The following NVL variants were observed in gnomAD, a reference collection of about 807,000 sequenced individuals.
NVL encodes the protein nuclear VCP like.
A neutral mutation model predicts 110.2 loss-of-function variants in NVL; 84 were observed. The ratio of observed to expected loss-of-function variants is 0.76; its 90% CI spans 0.64 to 0.91. NVL has a LOEUF of 0.91. NVL is among the 40% of genes least tolerant of loss of function. The pLI, the probability that NVL is intolerant of heterozygous loss-of-function variation, is 0.00. For missense variants in NVL, 882 were observed against 1,035.9 expected, an observed-to-expected ratio of 0.85 and a Z score of 2.04; for synonymous variants, 354 against 361.1, an observed-to-expected ratio of 0.98 and a Z score of 0.22.
chr1:224,273,047 A>AAC (rs1558287117), intron 17 of NVL, among the ~76,000 whole-genome samples: 1 of 143,548 alleles, frequency 7.0e-6, no homozygotes, highest in African/African-American at 2.8e-5. Context: ...AAAAAACAAA[A>AAC]AAAACAAACA....
intron 10 of NVL, among the ~76,000 whole-genome samples, chr1:224,300,246 G>A (rs1668269316): frequency 6.6e-6 from 1 of 152,132 alleles, no homozygotes; most frequent in African/African-American, 2.4e-5. Flanking sequence ...AACTTAAGTT[G>A]AGGAAAGTAA....
In NVL at chr1:224,275,375, T is replaced by C. The variant is rs1277900098; in HGVS notation, c.2046A>G (p.Glu682=). Residue 682 remains glutamate, a synonymous_variant, in exon 17 of 23, where the codon GAA becomes GAG. Transcript: ENST00000281701. ...ATCTTCGAGGACATAAAGCATCCAC[T>C]TCATCAAAGAATATCACACAGGGTG... ...NSAPCVIFFD[E]VDALCPRRSD... is the part of the protein sequence containing the mutation. The C allele has an allele frequency of 6.2e-7, 1 of 1,614,056 alleles. No homozygotes were observed. The highest frequency in any genetic ancestry group is 8.5e-7 in the Non-Finnish European group (1 of 1,180,040).
chr1:224,303,446 A>C (rs962394506), intron 9 of NVL, among the ~76,000 whole-genome samples: 25 of 152,194 alleles, frequency 1.6e-4, no homozygotes, highest in African/African-American at 4.1e-4. Flanking sequence ...AAAAAAAAAA[A>C]AACTGTATTA....
chr1:224,266,238 T>C (rs1664490748), intron 18 of NVL, among the ~76,000 whole-genome samples: 1 of 152,090 alleles, frequency 6.6e-6, no homozygotes, highest in Non-Finnish European at 1.5e-5. Context: ...GGATCCCCCC[T>C]CTCTCTGCTT....
intron 2 of NVL, among the ~76,000 whole-genome samples, chr1:224,319,829 T>C (rs968922001): frequency 2.4e-4 from 36 of 152,164 alleles, no homozygotes; most frequent in African/African-American, 8.7e-4. Context: ...TTACAGTGGA[T>C]CGATCAAAAC....
intron 2 of NVL, among the ~76,000 whole-genome samples, chr1:224,319,762 A>T (rs568648051): frequency 2.0e-5 from 3 of 152,114 alleles, no homozygotes; most frequent in Admixed American, 2.0e-4. Context: ...TGAGTACAGG[A>T]TATTTGTATA....
Position 224,308,130 on chromosome 1 carries a change from G to C in NVL, c.476C>G (p.Ser159Cys), listed in dbSNP as rs1304487044. 1 of 1,613,948 alleles carries C rather than the reference G, an allele frequency of 6.2e-7. No homozygotes were observed. Among genetic ancestry groups the C allele is most frequent in the Non-Finnish European group, 8.5e-7 (1 of 1,180,000 alleles). The change falls in exon 6 of 23, where the codon TCC (serine) becomes TGC (cysteine). Residue 159 changes from serine (S) to cysteine (C), a missense_variant. This residue lies in a region of NVL where 274 missense variants were observed against 268.4 expected (regional missense o/e 1.02). Transcript: ENST00000281701. ...STPRISSKTGSIPLKTPAKDS... is the reference protein window; with the variant it reads ...STPRISSKTGCIPLKTPAKDS... ...TTTGGCAGGGGTCTTCAAGGGAATGGAGCCTGTTTTGGAACTTATCCGTGG... is the reference window on the plus strand; with the variant it reads ...TTTGGCAGGGGTCTTCAAGGGAATGCAGCCTGTTTTGGAACTTATCCGTGG...
intron 14 of NVL, 135 bp from the exon 15 acceptor site, chr1:224,286,265 G>A (rs1204121627): frequency 1.5e-6 from 1 of 645,860 alleles, no homozygotes; most frequent in Non-Finnish European, 2.6e-6. Context: ...GAGTGCAGTG[G>A]TGCTATCTTG....
At chr1:224,303,623 G>A (rs1668628854) in intron 9 of NVL, 100 bp downstream of exon 9, 16 of 1,251,610 alleles carry the variant, frequency 1.3e-5, no homozygotes, top group Non-Finnish European at 1.8e-5. Context: ...TTCTCTTCCT[G>A]AAGAATGCCA....
At chr1:224,248,637 C>G (rs1307065868) in intron 19 of NVL, among the ~76,000 whole-genome samples, 2 of 152,128 alleles carry the variant, frequency 1.3e-5, no homozygotes, top group Non-Finnish European at 2.9e-5. Flanking sequence ...AGGGGTAAAC[C>G]TTCATGCTGC....
chr1:224,304,897 G>C, intron 7 of NVL, 85 bp from the exon 8 acceptor site: 2 of 1,486,010 alleles, frequency 1.3e-6, no homozygotes, highest in Non-Finnish European at 1.9e-6. Flanking sequence ...AGTAAACAAA[G>C]GTCCATTAAA....
rs1666593725 is a variant in NVL at position 224,283,681 on chromosome 1, T to C, written c.1899+2345A>G. ...TCAAAGGCAGATGTAACTAATTAAA[T>C]AATAAACACTATAGGACACACATGA... is the stretch of plus-strand genomic sequence containing the variant. On this transcript the variant is annotated intron_variant, in intron 15 of 22. Transcript: ENST00000281701. Among the ~76,000 whole-genome samples the C allele has an allele frequency of 2.0e-5, 3 of 152,178 alleles. No homozygotes were observed. The South Asian group carries it at 6.2e-4, about 32-fold the overall frequency.
In NVL at chr1:224,231,304, G is replaced by A. The variant is rs776712712; in HGVS notation, c.2456-8C>T. The A allele has an allele frequency of 1.2e-6, 2 of 1,607,430 alleles. No homozygotes were observed. The highest frequency in any genetic ancestry group is 3.3e-5 in the Admixed American group (2 of 59,966). On this transcript the variant is annotated splice_region_variant and splice_polypyrimidine_tract_variant and intron_variant, in intron 21 of 22. Coordinates refer to ENST00000281701, the MANE Select transcript of NVL (RefSeq NM_002533.4). ...GACTAACCTTGAGTTCACCTATGGA[G>A]TAAATGCACAAATATACACATCTCA...
In NVL at chr1:224,317,767, C is replaced by A; in HGVS notation, c.211G>T (p.Glu71Ter). The change falls in exon 4 of 23, where the codon GAA becomes TAA. Residue 71 changes from glutamate (E) to a stop codon, truncating the protein, a stop_gained. Transcript: ENST00000281701. LOFTEE classifies it high-confidence loss of function. ...TCTAATTCTGTTAAATTCTTAAGTT[C>A]CTTCTCACTACTAATTATGCTAAAT... ...KVFSIISSEK[E>*]LKNLTELEDE... 1 of 1,606,550 alleles carries A rather than the reference C, an allele frequency of 6.2e-7. No homozygotes were observed. The highest frequency in any genetic ancestry group is 1.1e-5 in the South Asian group (1 of 90,804).
rs116096150 is a variant in NVL, at chr1:224,268,698, G to T, written c.2083-565C>A. Among the ~76,000 whole-genome samples, 1,306 of 151,682 alleles carry T rather than the reference G, an allele frequency of 8.6e-3. 22 individuals carry two copies. The highest frequency in any genetic ancestry group is 0.029 in the African/African-American group (1,205 of 41,378). The stretch of plus-strand genomic sequence containing the variant: ...TTTGAGATGAAGTTTCACTCTTGTT[G>T]CCCAGAATGGAGTACAATGGTGTGA... On this transcript the variant is annotated intron_variant, in intron 17 of 22. Transcript: ENST00000281701.
chr1:224,232,510 C>A (rs10799545), intron 21 of NVL, among the ~76,000 whole-genome samples: 52,471 of 151,882 alleles, frequency 0.35, 9,200 homozygotes, highest in East Asian at 0.49. Flanking sequence ...TAGGCATGCA[C>A]CACCATGCCA....
Position 224,317,775 on chromosome 1 carries a change from C to G in NVL, c.203G>C (p.Ser68Thr). 6.2e-7 allele frequency: 1 copy of G among 1,602,870 alleles called. No individual in the cohort carries two copies. Among genetic ancestry groups the G allele is most frequent in the Non-Finnish European group, 8.5e-7 (1 of 1,170,390 alleles). ...TGTTAAATTCTTAAGTTCCTTCTCA[C>G]TACTAATTATGCTAAATACTGAAAC... is the stretch of plus-strand genomic sequence containing the variant. ...QVEKVFSIIS[S>T]EKELKNLTEL... The change falls in exon 4 of 23, where the codon AGT becomes ACT. Residue 68 changes from serine to threonine, a missense_variant. Around this residue, in one of 4 missense-constraint regions of NVL, gnomAD observed 274 missense variants for 268.4 expected, o/e 1.02. Transcript: ENST00000281701.
intron 6 of NVL, among the ~76,000 whole-genome samples, chr1:224,307,698 C>CAA (rs11366790): frequency 1.1e-3 from 74 of 67,410 alleles, no homozygotes; most frequent in East Asian, 2.5e-3. Flanking sequence ...GACCCAGTCT[C>CAA]AAAAAAAAAA....
chr1:224,248,993 C>T (rs1310379984), intron 19 of NVL, among the ~76,000 whole-genome samples: 4 of 152,176 alleles, frequency 2.6e-5, no homozygotes, highest in Non-Finnish European at 5.9e-5. Context: ...GTGATTTCAT[C>T]CCCAGAAGGA....
Sources: allele counts gnomAD v4.1 joint callset (sites outside exome capture counted in the v4.1 genomes callset), GRCh38; gene constraint gnomAD v4.1.1; regional missense constraint gnomAD v4.1.1; transcripts MANE v1.5; gene names NCBI Gene and HGNC (gene_info 2026-07-23, HGNC 2026-07-21).